The following NBAS variants were observed in gnomAD, a reference collection of about 807,000 sequenced individuals.
NBAS encodes the protein NAG/BC035112 fusion.
NBAS carries 219 observed loss-of-function variants against 302.5 expected under a neutral mutation model. The observed-to-expected ratio is 0.72, with a 90% CI of 0.65 to 0.81. The LOEUF (loss-of-function observed/expected upper bound fraction) is 0.81. Ranked by LOEUF, NBAS falls within the 30% of genes least tolerant of loss-of-function variation. The pLI is 0.00. For synonymous variants in NBAS, 1,118 were observed against 1,021.6 expected (o/e 1.09, Z -1.80); for missense variants, 2,932 against 2,841.6 (o/e 1.03, Z -0.72).
the NBAS span, among the ~76,000 whole-genome samples, chr2:15,138,411 A>G: frequency 2.0e-5 from 3 of 152,170 alleles, no homozygotes; most frequent in Non-Finnish European, 4.4e-5. Flanking sequence ...TTTTAAGCAG[A>G]GAGGTCATGT....
intron 48 of NBAS, among the ~76,000 whole-genome samples, chr2:15,197,498 C>A (rs1372277743): frequency 6.6e-6 from 1 of 152,110 alleles, no homozygotes; most frequent in Non-Finnish European, 1.5e-5. Flanking sequence ...ACTAGAGATA[C>A]AGTGATTGGA....
chr2:15,143,908 C>A, the NBAS span, among the ~76,000 whole-genome samples: 400 of 151,522 alleles, frequency 2.6e-3, 5 homozygotes, highest in East Asian at 0.037. Context: ...ATGCTTCCTG[C>A]CCTCAAACAT....
chr2:15,512,345 A>G (rs1005466264), intron 9 of NBAS, among the ~76,000 whole-genome samples: 5 of 152,162 alleles, frequency 3.3e-5, no homozygotes, highest in Non-Finnish European at 7.4e-5. Context: ...GCCCACTGGT[A>G]GTAGTCAAAA....
intron 41 of NBAS, among the ~76,000 whole-genome samples, chr2:15,290,520 T>A (rs1670260540): frequency 6.6e-6 from 1 of 152,160 alleles, no homozygotes; most frequent in Non-Finnish European, 1.5e-5. Context: ...CGCCCTGCCT[T>A]ATGAGTTTTT....
intron 42 of NBAS, among the ~76,000 whole-genome samples, chr2:15,280,010 T>C (rs964038135): frequency 6.6e-6 from 1 of 152,186 alleles, no homozygotes; most frequent in Non-Finnish European, 1.5e-5. Context: ...CCTGTTTAAG[T>C]GATTTTTCCT....
At chr2:15,093,331 G>A in the NBAS span, among the ~76,000 whole-genome samples, 7 of 152,050 alleles carry the variant, frequency 4.6e-5, no homozygotes, top group African/African-American at 1.7e-4. Context: ...CAGGAAAATC[G>A]CTTGAACCCG....
At chr2:15,257,630 TG>T (rs1033755575) in intron 44 of NBAS, among the ~76,000 whole-genome samples, 7 of 152,126 alleles carry the variant, frequency 4.6e-5, no homozygotes, top group African/African-American at 1.7e-4. Context: ...TGACCTCAGG[TG>T]ATCTGCCCAC....
At chr2:14,785,235 T>G in the NBAS span, among the ~76,000 whole-genome samples, 2 of 152,200 alleles carry the variant, frequency 1.3e-5, no homozygotes, top group African/African-American at 4.8e-5. Flanking sequence ...ACGATGGGTT[T>G]TTCTAGATAT....
the NBAS span, among the ~76,000 whole-genome samples, chr2:15,005,284 T>G: frequency 7.2e-5 from 11 of 152,196 alleles, no homozygotes; most frequent in Non-Finnish European, 1.6e-4. Context: ...GCGACTCCCC[T>G]TACTCGCTCC....
intron 12 of NBAS, among the ~76,000 whole-genome samples, chr2:15,480,789 TA>T (rs1266545826): frequency 6.6e-6 from 1 of 152,220 alleles, no homozygotes; most frequent in Non-Finnish European, 1.5e-5. Flanking sequence ...TTGGGGTTTT[TA>T]GGGGGGATGT....
chr2:14,981,150 G>C, the NBAS span, among the ~76,000 whole-genome samples: 3 of 151,548 alleles, frequency 2.0e-5, no homozygotes, highest in African/African-American at 7.3e-5. Flanking sequence ...AGACTGTAAG[G>C]GCCCACCAAG....
chr2:14,913,688 A>G, the NBAS span, among the ~76,000 whole-genome samples: 1 of 152,218 alleles, frequency 6.6e-6, no homozygotes, highest in African/African-American at 2.4e-5. Flanking sequence ...AAAGGGCATC[A>G]GGCAGGGGAA....
the NBAS span, among the ~76,000 whole-genome samples, chr2:14,824,175 A>T: frequency 2.6e-5 from 4 of 152,190 alleles, no homozygotes; most frequent in African/African-American, 9.7e-5. Flanking sequence ...CAAATTTCAC[A>T]TCTAGTAAAT....
At chr2:14,879,503 A>G in the NBAS span, among the ~76,000 whole-genome samples, 2 of 152,196 alleles carry the variant, frequency 1.3e-5, no homozygotes, top group Non-Finnish European at 2.9e-5. Context: ...TTATTTTGAT[A>G]TAATTTTGTG....
chr2:15,087,958 C>T, the NBAS span, among the ~76,000 whole-genome samples: 2 of 152,192 alleles, frequency 1.3e-5, no homozygotes, highest in Admixed American at 6.5e-5. Flanking sequence ...GAGTGAAAAT[C>T]GTTAAGAACA....
the NBAS span, among the ~76,000 whole-genome samples, chr2:15,103,482 A>C: frequency 6.6e-6 from 1 of 152,048 alleles, no homozygotes; most frequent in East Asian, 1.9e-4. Context: ...TTTGTCCTAC[A>C]CTGTCCTAGG....
chr2:15,367,829 A>G (rs570348692), intron 31 of NBAS, among the ~76,000 whole-genome samples: 53 of 152,298 alleles, frequency 3.5e-4, no homozygotes, highest in Admixed American at 9.2e-4. Context: ...GAACTCAAAA[A>G]AGGTTGCAAG....
intron 25 of NBAS, among the ~76,000 whole-genome samples, chr2:15,414,185 T>A (rs1039231411): frequency 6.6e-6 from 1 of 152,218 alleles, no homozygotes; most frequent in Non-Finnish European, 1.5e-5. Context: ...TGAACAGATA[T>A]ATTTCTGAAA....
intron 33 of NBAS, 113 bp from the exon 34 acceptor site, chr2:15,353,823 A>C (rs1039958446): frequency 8.2e-7 from 1 of 1,222,850 alleles, no homozygotes; most frequent in African/African-American, 1.5e-5. Flanking sequence ...GCAAAATCAT[A>C]GTCATTAGTG....
Sources: allele counts gnomAD v4.1 joint callset (sites outside exome capture counted in the v4.1 genomes callset), GRCh38; gene constraint gnomAD v4.1.1; transcripts MANE v1.5; gene names NCBI Gene and HGNC (gene_info 2026-07-23, HGNC 2026-07-21).